BANP: variants seen among roughly 807,000 people sequenced by gnomAD.
The protein encoded by BANP is BTG3 associated nuclear protein, also known as protein BANP.
Under a neutral mutation model 68.1 loss-of-function variants are expected in BANP, and 11 were observed. That is an observed-to-expected ratio of 0.16 (90% CI 0.10 to 0.27). The LOEUF (loss-of-function observed/expected upper bound fraction) is 0.27, where lower values mean the gene tolerates loss of function less well. BANP is among the 10% of genes least tolerant of loss of function. BANP has a pLI of 1.00. For missense variants in BANP, 504 were observed against 722.7 expected (o/e 0.70, Z 3.47); for synonymous variants, 329 against 303.2 (o/e 1.09, Z -0.88).
chr16:88,072,318 A>G (rs2152922717), intron 13 of BANP, 106 bp downstream of exon 13: 1 of 1,330,880 alleles, frequency 7.5e-7, no homozygotes, highest in South Asian at 1.4e-5. Flanking sequence ...CTTCCTGTGC[A>G]GAGGGCACGT....
At chr16:88,048,446 C>T (rs1350341269) in intron 11 of BANP, among the ~76,000 whole-genome samples, 1 of 152,010 alleles carries the variant, frequency 6.6e-6, no homozygotes, top group Non-Finnish European at 1.5e-5. Flanking sequence ...AATCGGCGCT[C>T]ACCGCAGATT....
At chr16:87,975,667 G>T (rs1031932172) in intron 2 of BANP, among the ~76,000 whole-genome samples, 1 of 151,934 alleles carries the variant, frequency 6.6e-6, no homozygotes, top group East Asian at 1.9e-4. Flanking sequence ...AATCCCCTGT[G>T]TGTGGCGTCA....
chr16:87,996,928 G>A (rs1314695553), intron 4 of BANP, among the ~76,000 whole-genome samples: 1 of 152,100 alleles, frequency 6.6e-6, no homozygotes, highest in African/African-American at 2.4e-5. Context: ...CATGTACTTG[G>A]ACAAAGCCTG....
chr16:88,023,979 G>A lies in BANP; in HGVS notation c.896-3504G>A, dbSNP rs145960744. On this transcript the variant is annotated intron_variant, in intron 7 of 13. Coordinates refer to ENST00000682872, the MANE Select transcript of BANP (RefSeq NM_001386991.1). Reference sequence around the variant, plus strand: ...GCCAGACAGGGTGTTCTGCTCCCAGGTGACGCCACGCTGTGGGGATCCCGT... The same window carrying A: ...GCCAGACAGGGTGTTCTGCTCCCAGATGACGCCACGCTGTGGGGATCCCGT... Among the ~76,000 whole-genome samples, 80 of 152,356 alleles carry A rather than the reference G, an allele frequency of 5.3e-4. 1 individual carries two copies. The South Asian group carries it at 6.8e-3, about 13-fold the overall frequency.
intron 12 of BANP, among the ~76,000 whole-genome samples, chr16:88,068,091 C>T (rs866969972): frequency 2.0e-5 from 3 of 152,246 alleles, no homozygotes; most frequent in Non-Finnish European, 2.9e-5. Context: ...CATTTTCACA[C>T]GTAGTTCAGA....
intron 2 of BANP, among the ~76,000 whole-genome samples, chr16:87,975,581 C>T (rs568720043): frequency 1.4e-3 from 175 of 120,700 alleles, no homozygotes; most frequent in African/African-American, 4.7e-3. Context: ...CCATGTGCGG[C>T]GTCATGGAAC....
chr16:88,004,504 C>A lies in BANP; in HGVS notation c.479+93C>A. ...GTCCCTAAGCCAGGGCACAGTCCAG[C>A]ACACGCTTCATCTCTGTGGTCACAG... On this transcript the variant is annotated intron_variant, in intron 5 of 13. Coordinates refer to ENST00000682872, the MANE Select transcript of BANP (RefSeq NM_001386991.1). This position sits in a 1 kb window ranked among gnomAD's most constrained non-coding sequence, Gnocchi z 7.0. 1.4e-6 allele frequency: 1 copy of A among 713,666 alleles called. No homozygotes were observed. Among genetic ancestry groups the A allele is most frequent in the Non-Finnish European group, 2.3e-6 (1 of 431,018 alleles). 44.2% of individuals were successfully genotyped at this position (713,666 alleles called of 1,614,324 possible).
rs534830327 is a variant in BANP at position 87,951,720 on chromosome 16, C to A, written c.-69+205C>A. Among the ~76,000 whole-genome samples the A allele has an allele frequency of 7.3e-5, 11 of 150,560 alleles. No homozygotes were observed. In the East Asian group the frequency reaches 2.2e-3, roughly 29 times the overall value. ...GGCCGCGCCCCGGAAGAGGGGCTCC[C>A]GCTTCCTCGCTTCCGCACCCCCGGC... On this transcript the variant is annotated intron_variant, in intron 1 of 13. Coordinates refer to ENST00000682872, the MANE Select transcript of BANP (RefSeq NM_001386991.1).
intron 11 of BANP, among the ~76,000 whole-genome samples, chr16:88,053,565 C>T (rs1213496266): frequency 7.0e-6 from 1 of 142,188 alleles, no homozygotes; most frequent in Non-Finnish European, 1.5e-5. Flanking sequence ...CCACCTCCAC[C>T]ATCATCTCCA....
chr16:87,962,507 C>T (rs2059372072), intron 1 of BANP, among the ~76,000 whole-genome samples: 1 of 152,086 alleles, frequency 6.6e-6, no homozygotes, highest in Non-Finnish European at 1.5e-5. Context: ...ACCCTGAGGC[C>T]AGAAAGTCAG....
At chr16:88,016,689 C>T (rs1026026902) in intron 6 of BANP, among the ~76,000 whole-genome samples, 5 of 152,244 alleles carry the variant, frequency 3.3e-5, no homozygotes, top group Non-Finnish European at 7.3e-5. Flanking sequence ...TGCCATGAGA[C>T]TCCACCCATT....
intron 11 of BANP, among the ~76,000 whole-genome samples, chr16:88,058,480 CAG>C (rs1279933881): frequency 6.6e-6 from 1 of 152,166 alleles, no homozygotes; most frequent in African/African-American, 2.4e-5. Context: ...GACTCAAGCA[CAG>C]GGGTCATTTC....
chr16:88,076,434 ACCAAGTCGGGTGAG>A (rs1243304413), intron 13 of BANP, among the ~76,000 whole-genome samples, 142 bp from the exon 14 acceptor site: 1 of 152,158 alleles, frequency 6.6e-6, no homozygotes, highest in Non-Finnish European at 1.5e-5. Context: ...GGCGTTGTGT[ACCAAGTCGGGTGAG>A]CCTTGGGGCC....
chr16:88,076,450 C>T (rs1325398305), intron 13 of BANP, 140 bp from the exon 14 acceptor site: 32 of 686,990 alleles, frequency 4.7e-5, no homozygotes, highest in South Asian at 1.2e-4. Flanking sequence ...TCGGGTGAGC[C>T]TTGGGGCCGT....
Position 87,974,911 on chromosome 16 carries a change from G to T in BANP, c.-68-137G>T, listed in dbSNP as rs2061738709. ...AGAAACTAACCTTTTGGGGGTTTGA[G>T]GCAAGAAGAACCCTGCATGTAAAAC... On this transcript the variant is annotated intron_variant, in intron 1 of 13. Transcript: ENST00000682872. 8.8e-6 allele frequency: 5 copies of T among 566,438 alleles called. No homozygotes were observed. The South Asian group carries it at 1.2e-4, about 13-fold the overall frequency. The allele number at this position is 566,438 out of a possible 1,614,324, so 35.1% of individuals were successfully genotyped here. A position where few individuals can be genotyped will look rare whatever the true frequency, so the allele number is the denominator to read the frequency against.
At chr16:88,001,618 A>G (rs1456640409) in intron 4 of BANP, among the ~76,000 whole-genome samples, 2 of 152,218 alleles carry the variant, frequency 1.3e-5, no homozygotes, top group Non-Finnish European at 2.9e-5. Flanking sequence ...CATTAAAATA[A>G]TTTACTTTTA....
chr16:87,975,558 T>G (rs111935139), intron 2 of BANP, among the ~76,000 whole-genome samples: 20 of 145,328 alleles, frequency 1.4e-4, no homozygotes, highest in South Asian at 4.4e-4. Flanking sequence ...CTTACCATGT[T>G]GTGTGTGTAA....
intron 1 of BANP, among the ~76,000 whole-genome samples, chr16:87,968,791 G>A (rs2060586654): frequency 6.6e-6 from 1 of 152,136 alleles, no homozygotes; most frequent in Admixed American, 6.6e-5. Flanking sequence ...ACATGAGCGT[G>A]CGTAGGTGGA....
intron 1 of BANP, among the ~76,000 whole-genome samples, chr16:87,955,783 G>A (rs2057926355): frequency 6.6e-6 from 1 of 152,158 alleles, no homozygotes; most frequent in South Asian, 2.1e-4. Context: ...ATAAGACGTT[G>A]ACACCAAGGA....
Sources: allele counts gnomAD v4.1 joint callset (sites outside exome capture counted in the v4.1 genomes callset), GRCh38; gene constraint gnomAD v4.1.1; non-coding constraint Gnocchi (gnomAD v3.1); transcripts MANE v1.5; gene names NCBI Gene and HGNC (gene_info 2026-07-23, HGNC 2026-07-21).